The following OOSP3 variants were observed in gnomAD, a reference collection of about 807,000 sequenced individuals.
OOSP3 encodes the protein oocyte-secreted protein 3.
chr11:59,894,374 C>A (rs1252010955), intron 3 of OOSP3, among the ~76,000 whole-genome samples, 198 bp downstream of exon 3: 1 of 152,214 alleles, frequency 6.6e-6, no homozygotes, highest in Non-Finnish European at 1.5e-5. Context: ...TGGGACCCCC[C>A]CTTAATATTT....
intron 2 of OOSP3, among the ~76,000 whole-genome samples, chr11:59,884,517 CTCTA>C (rs1462068361): frequency 2.8e-4 from 30 of 105,734 alleles, no homozygotes; most frequent in East Asian, 1.2e-3. Context: ...CTCTCTCTCT[CTCTA>C]TGCAGTCTTA....
At chr11:59,894,656 A>T (rs191213925) in intron 3 of OOSP3, among the ~76,000 whole-genome samples, 6 of 152,222 alleles carry the variant, frequency 3.9e-5, no homozygotes, top group Admixed American at 3.9e-4. Context: ...CCATTCCCTT[A>T]TTGGGAACAC....
At chr11:59,894,669 C>T (rs1252584522) in intron 3 of OOSP3, among the ~76,000 whole-genome samples, 1 of 152,114 alleles carries the variant, frequency 6.6e-6, no homozygotes, top group Non-Finnish European at 1.5e-5. Flanking sequence ...GGGAACACTT[C>T]TATAATAAAT....
At chr11:59,893,588 C>A (rs1281088199) in intron 2 of OOSP3, among the ~76,000 whole-genome samples, 1 of 152,138 alleles carries the variant, frequency 6.6e-6, no homozygotes, top group African/African-American at 2.4e-5. Flanking sequence ...TGAGCTCAAG[C>A]GATCCTCCTG....
At chr11:59,880,192 A>T (rs1853186855) in intron 1 of OOSP3, 69 bp from the exon 2 acceptor site, 1 of 397,484 alleles carries the variant, frequency 2.5e-6, no homozygotes, top group Non-Finnish European at 4.4e-6. Context: ...TGCTATGTTC[A>T]GACTTTCTCT....
At chr11:59,886,156 G>A (rs1853255072) in intron 2 of OOSP3, among the ~76,000 whole-genome samples, 2 of 152,050 alleles carry the variant, frequency 1.3e-5, no homozygotes, top group African/African-American at 4.8e-5. Context: ...TTGGTTTTCT[G>A]TTCCTGTGTT....
At chr11:59,895,760 T>A (rs1206158801) in intron 4 of OOSP3, 108 bp downstream of exon 4, 2 of 396,970 alleles carry the variant, frequency 5.0e-6, no homozygotes, top group African/African-American at 4.1e-5. Context: ...TATTTGTTGT[T>A]TAAATAGTGT....
At chr11:59,893,583 TCAA>T (rs1459035640) in intron 2 of OOSP3, among the ~76,000 whole-genome samples, 1 of 152,156 alleles carries the variant, frequency 6.6e-6, no homozygotes, top group African/African-American at 2.4e-5. Flanking sequence ...TCTCCTGAGC[TCAA>T]GCGATCCTCC....
intron 1 of OOSP3, 60 bp from the exon 2 acceptor site, chr11:59,880,197 TTCTC>T: frequency 2.5e-6 from 1 of 397,670 alleles, no homozygotes; most frequent in Non-Finnish European, 4.4e-6. Context: ...TGTTCAGACT[TTCTC>T]TGGGTGTCGT....
chr11:59,887,414 G>A (rs1312001098), intron 2 of OOSP3, among the ~76,000 whole-genome samples: 2 of 152,108 alleles, frequency 1.3e-5, no homozygotes, highest in African/African-American at 4.8e-5. Flanking sequence ...TTCTTCTAGG[G>A]TTTCTATAGT....
intron 2 of OOSP3, among the ~76,000 whole-genome samples, chr11:59,883,246 T>A (rs1419291777): frequency 1.3e-5 from 2 of 152,206 alleles, no homozygotes; most frequent in African/African-American, 4.8e-5. Flanking sequence ...AACTCTTTAT[T>A]CTATTGTTTG....
chr11:59,883,609 A>T (rs1328610001), intron 2 of OOSP3, among the ~76,000 whole-genome samples: 1 of 152,198 alleles, frequency 6.6e-6, no homozygotes, highest in Non-Finnish European at 1.5e-5. Context: ...TGTAGAATTT[A>T]CTCACTTTTC....
intron 2 of OOSP3, among the ~76,000 whole-genome samples, chr11:59,884,723 C>T (rs1565218983): frequency 6.6e-6 from 1 of 152,038 alleles, no homozygotes; most frequent in Non-Finnish European, 1.5e-5. Flanking sequence ...AGGCTGGTCT[C>T]GAACTCCTGA....
At chr11:59,894,119 G>A (rs1023244142) in exon 3 of OOSP3, 3 of 398,396 alleles carry the variant, frequency 7.5e-6, no homozygotes, top group Non-Finnish European at 1.3e-5. Flanking sequence ...GCACTCCACT[G>A]TAATATAATG....
At chr11:59,881,929 A>G (rs1853205784) in intron 2 of OOSP3, among the ~76,000 whole-genome samples, 1 of 152,242 alleles carries the variant, frequency 6.6e-6, no homozygotes, top group South Asian at 2.1e-4. Context: ...AGTGGTGAAT[A>G]ACCACACTCT....
chr11:59,894,868 G>A (rs1853342047), intron 3 of OOSP3, among the ~76,000 whole-genome samples: 1 of 152,008 alleles, frequency 6.6e-6, no homozygotes. Flanking sequence ...TGCAGAAACA[G>A]GAATAGTAGC....
At chr11:59,882,825 G>A (rs775352777) in intron 2 of OOSP3, among the ~76,000 whole-genome samples, 12 of 152,094 alleles carry the variant, frequency 7.9e-5, no homozygotes, top group African/African-American at 2.2e-4. Flanking sequence ...GCAACCACAA[G>A]TCTAATTTCT....
intron 2 of OOSP3, among the ~76,000 whole-genome samples, chr11:59,890,929 G>C (rs760565737): frequency 6.6e-6 from 1 of 152,034 alleles, no homozygotes; most frequent in East Asian, 1.9e-4. Context: ...CATAGGTTTG[G>C]TCTTTTTCCA....
At chr11:59,885,747 T>C (rs777475921) in intron 2 of OOSP3, among the ~76,000 whole-genome samples, 5 of 152,172 alleles carry the variant, frequency 3.3e-5, no homozygotes, top group Non-Finnish European at 5.9e-5. Flanking sequence ...TGGAAGTTTT[T>C]TTACGTACAT....
Sources: allele counts gnomAD v4.1 joint callset (sites outside exome capture counted in the v4.1 genomes callset), GRCh38; gene constraint gnomAD v4.1.1; transcripts MANE v1.5; gene names NCBI Gene and HGNC (gene_info 2026-07-23, HGNC 2026-07-21).